The following TET1 variants were observed in gnomAD, a reference collection of about 807,000 sequenced individuals.
The protein encoded by TET1 is tet methylcytosine dioxygenase 1.
Under a neutral mutation model 148.7 loss-of-function variants are expected in TET1, and 13 were observed. The ratio of observed to expected loss-of-function variants is 0.09; its 90% CI spans 0.06 to 0.14. The LOEUF (loss-of-function observed/expected upper bound fraction) is 0.14. TET1 is among the 10% of genes least tolerant of loss of function. The pLI is 1.00. For synonymous variants in TET1, 907 were observed against 937.2 expected, an observed-to-expected ratio of 0.97 and a Z score of 0.59; for missense variants, 2,182 against 2,553.8, an observed-to-expected ratio of 0.85 and a Z score of 3.14.
intron 3 of TET1, among the ~76,000 whole-genome samples, chr10:68,623,246 CT>C (rs2054401950): frequency 6.6e-6 from 1 of 152,146 alleles, no homozygotes; most frequent in South Asian, 2.1e-4. Context: ...GGAAATTCTA[CT>C]GTAAAAAAAG....
chr10:68,584,849 C>G (rs928507686), intron 2 of TET1, among the ~76,000 whole-genome samples: 1 of 150,672 alleles, frequency 6.6e-6, no homozygotes, highest in African/African-American at 2.4e-5. Flanking sequence ...TAGGCAAAAT[C>G]TCGCCCTGTT....
chr10:68,582,739 A>T (rs983229421), intron 2 of TET1, among the ~76,000 whole-genome samples: 2 of 152,100 alleles, frequency 1.3e-5, no homozygotes, highest in Non-Finnish European at 2.9e-5. Flanking sequence ...TCATTATGGC[A>T]TATGTTACAT....
chr10:68,579,221 C>G (rs10823231), intron 2 of TET1, among the ~76,000 whole-genome samples: 2 of 152,016 alleles, frequency 1.3e-5, no homozygotes, highest in Non-Finnish European at 2.9e-5. Context: ...CACTGTATCT[C>G]TAATGGATAT....
Position 68,652,611 on chromosome 10 carries a change from T to G in TET1, c.4461+17T>G. 1 of 1,573,714 alleles carries G rather than the reference T, an allele frequency of 6.4e-7. No homozygotes were observed. Among genetic ancestry groups the G allele is most frequent in the Non-Finnish European group, 8.7e-7 (1 of 1,149,852 alleles). On this transcript the variant is annotated intron_variant, in intron 6 of 11. Transcript: ENST00000373644. Reference sequence around the variant, plus strand: ...GCTAAGTGGGTAAGTATTTCCTATTTATACATTTTTTTGAAGCTTGTTATT... The same window carrying G: ...GCTAAGTGGGTAAGTATTTCCTATTGATACATTTTTTTGAAGCTTGTTATT...
chr10:68,569,494 C>T (rs1001331757), intron 1 of TET1, among the ~76,000 whole-genome samples: 1 of 152,038 alleles, frequency 6.6e-6, no homozygotes, highest in Non-Finnish European at 1.5e-5. Context: ...CTTATATGAG[C>T]CTCTTCTTCC....
chr10:68,685,979 A>C (rs1441668019), intron 10 of TET1, among the ~76,000 whole-genome samples: 3 of 152,230 alleles, frequency 2.0e-5, no homozygotes, highest in African/African-American at 7.2e-5. Context: ...AGCTAAAATC[A>C]TATCTTCCTA....
chr10:68,692,424 A>G lies in TET1; in HGVS notation c.*610A>G. ...GAGGCTGTTCATAAATTGTAAATAT[A>G]TATTTTAAAAGCACTTTCTATTTTT... On this transcript the variant is annotated 3_prime_UTR_variant, in exon 12 of 12. Transcript: ENST00000373644. 1 of 232,066 alleles carries G rather than the reference A, an allele frequency of 4.3e-6. No homozygotes were observed. The highest frequency in any genetic ancestry group is 8.5e-6 in the Non-Finnish European group (1 of 117,110). The allele number at this position is 232,066 out of a possible 1,614,324, so 14.4% of individuals were successfully genotyped here. A position where few individuals can be genotyped will look rare whatever the true frequency, so the allele number is the denominator to read the frequency against.
intron 3 of TET1, among the ~76,000 whole-genome samples, chr10:68,636,769 C>T (rs755682317): frequency 6.6e-6 from 1 of 152,238 alleles, no homozygotes; most frequent in African/African-American, 2.4e-5. Context: ...CCCTACATCA[C>T]CAAGGTAAGG....
intron 3 of TET1, among the ~76,000 whole-genome samples, chr10:68,610,577 G>A (rs2054193531): frequency 6.6e-6 from 1 of 152,126 alleles, no homozygotes; most frequent in Non-Finnish European, 1.5e-5. Context: ...GTGACAGAGG[G>A]AGATTCCTTC....
At chr10:68,596,924 C>T (rs967936892) in intron 2 of TET1, among the ~76,000 whole-genome samples, 1 of 151,926 alleles carries the variant, frequency 6.6e-6, no homozygotes, top group African/African-American at 2.4e-5. Context: ...TGTCTTTGGG[C>T]CTTTACAAAA....
chr10:68,625,699 T>C (rs1589088103), intron 3 of TET1, among the ~76,000 whole-genome samples: 1 of 152,206 alleles, frequency 6.6e-6, no homozygotes, highest in East Asian at 1.9e-4. Context: ...TTGTTTTTAG[T>C]TGTGTAACAC....
At position 68,615,356 on chromosome 10, in the gene TET1, C is replaced by CTTTTTTTTTTTTT. The variant is rs71019038; in HGVS notation, c.1968+14329_1968+14330insTTTTTTTTTTTTT. On this transcript the variant is annotated intron_variant, in intron 3 of 11. Transcript: ENST00000373644. ...TTCAGAATGGTGTTTCTTTTCTTTT[C>CTTTTTTTTTTTTT]TTTTTTTGAGATGGAGACTCACTCT... Among the ~76,000 whole-genome samples, 811 of 145,252 alleles carry CTTTTTTTTTTTTT rather than the reference C, an allele frequency of 5.6e-3. 7 individuals are homozygous for CTTTTTTTTTTTTT. The highest frequency in any genetic ancestry group is 0.013 in the African/African-American group (502 of 39,482).
rs1196438709 is a variant in TET1, at chr10:68,691,014, G to A, written c.5611G>A (p.Gly1871Arg). 6.8e-6 allele frequency: 11 copies of A among 1,614,014 alleles called. No homozygotes were observed. The highest frequency in any genetic ancestry group is 1.3e-5 in the African/African-American group (1 of 74,914). ...PLKNDATASC[G>R]FSERSSTPHC... is the part of the protein sequence containing the mutation. ...GAAGAATGACGCAACAGCCTCATGC[G>A]GGTTTTCAGAAAGAAGCAGCACTCC... Residue 1871 changes from glycine (G) to arginine (R), a missense_variant, in exon 12 of 12, where the codon GGG becomes AGG. By Grantham distance (125) the Gly-to-Arg change is moderately radical (BLOSUM62 -2). Coordinates refer to ENST00000373644, the MANE Select transcript of TET1 (RefSeq NM_030625.3). This position sits in a 1 kb window ranked among gnomAD's most constrained non-coding sequence, Gnocchi z 4.4.
At chr10:68,655,255 T>C (rs1300313215) in intron 6 of TET1, among the ~76,000 whole-genome samples, 2 of 152,248 alleles carry the variant, frequency 1.3e-5, no homozygotes, top group African/African-American at 4.8e-5. Flanking sequence ...TTTGTGGTAA[T>C]AATTTTCTTG....
At chr10:68,580,756 T>C (rs917450094) in intron 2 of TET1, among the ~76,000 whole-genome samples, 1 of 133,970 alleles carries the variant, frequency 7.5e-6, no homozygotes, top group Non-Finnish European at 1.5e-5. Context: ...CACTCCAGCC[T>C]GGGCAACAAG....
At chr10:68,632,366 T>C in intron 3 of TET1, 1 of 1,595,608 alleles carries the variant, frequency 6.3e-7, no homozygotes, top group Non-Finnish European at 8.6e-7. Flanking sequence ...CGCGGAGTAG[T>C]CCTCATGGCC....
intron 2 of TET1, among the ~76,000 whole-genome samples, chr10:68,584,599 T>C (rs1044323655): frequency 8.0e-5 from 12 of 149,136 alleles, no homozygotes; most frequent in Admixed American, 5.3e-4. Flanking sequence ...ATCCCAGCTA[T>C]GAGGGAGGCT....
chr10:68,630,526 G>T (rs942544163), intron 3 of TET1, among the ~76,000 whole-genome samples: 3 of 152,188 alleles, frequency 2.0e-5, no homozygotes, highest in Non-Finnish European at 2.9e-5. Context: ...TGTTGGCCAG[G>T]TTGGTCTCAA....
intron 3 of TET1, among the ~76,000 whole-genome samples, chr10:68,638,760 G>A (rs1474898060): frequency 8.0e-6 from 1 of 125,360 alleles, no homozygotes; most frequent in East Asian, 2.3e-4. Context: ...CTGCATGTAT[G>A]GAGTTTGTGT....
Sources: allele counts gnomAD v4.1 joint callset (sites outside exome capture counted in the v4.1 genomes callset), GRCh38; gene constraint gnomAD v4.1.1; non-coding constraint Gnocchi (gnomAD v3.1); transcripts MANE v1.5; gene names NCBI Gene and HGNC (gene_info 2026-07-23, HGNC 2026-07-21).